The following RAP1GDS1 variants were observed in gnomAD, a reference collection of about 807,000 sequenced individuals.
The protein encoded by RAP1GDS1 is RAP1, GTP-GDP dissociation stimulator 1.
RAP1GDS1 carries 35 observed loss-of-function variants against 71.1 expected under a neutral mutation model. That is an observed-to-expected ratio of 0.49 (90% CI 0.38 to 0.65). The LOEUF (loss-of-function observed/expected upper bound fraction) is 0.65, where lower values mean the gene tolerates loss of function less well. Among genes scored for constraint, RAP1GDS1 ranks in the 30% least tolerant of loss-of-function variants. The pLI is 0.00. For synonymous variants in RAP1GDS1, 229 were observed against 243.1 expected (o/e 0.94, Z 0.54); for missense variants, 663 against 706.1 (o/e 0.94, Z 0.69).
intron 2 of RAP1GDS1, among the ~76,000 whole-genome samples, chr4:98,310,300 A>G (rs1300556359): frequency 6.6e-6 from 1 of 152,112 alleles, no homozygotes; most frequent in Non-Finnish European, 1.5e-5. Context: ...ATGTTAAATT[A>G]TAATTTATCA....
At chr4:98,358,741 A>G (rs775829108) in intron 4 of RAP1GDS1, among the ~76,000 whole-genome samples, 6 of 152,150 alleles carry the variant, frequency 3.9e-5, no homozygotes, top group East Asian at 1.9e-4. Context: ...GCCCATACAC[A>G]TACACTAATG....
intron 4 of RAP1GDS1, among the ~76,000 whole-genome samples, chr4:98,357,393 A>C (rs1738118202): frequency 6.6e-6 from 1 of 151,940 alleles, no homozygotes; most frequent in Admixed American, 6.6e-5. Context: ...AAAGTACATC[A>C]TGTGTATAAG....
chr4:98,410,979 A>G lies in RAP1GDS1; in HGVS notation c.764-5766A>G, dbSNP rs144678746. On this transcript the variant is annotated intron_variant, in intron 7 of 14. Coordinates refer to ENST00000408927, the MANE Select transcript of RAP1GDS1 (RefSeq NM_001100427.2). The stretch of plus-strand genomic sequence containing the variant: ...GAATTTCTTGATCTAGGTGATAGAT[A>G]CATGGTTATTTGCTTTCTAATAATA... Among the ~76,000 whole-genome samples, 448 of 152,326 alleles carry G rather than the reference A, an allele frequency of 2.9e-3. 1 individual carries two copies. The highest frequency in any genetic ancestry group is 5.5e-3 in the Non-Finnish European group (376 of 68,020).
rs70955932 is a variant in RAP1GDS1, at chr4:98,416,334, G to GTTTTTTTTTTTTT, written c.764-393_764-381dup. On this transcript the variant is annotated intron_variant, in intron 7 of 14. Coordinates refer to ENST00000408927, the MANE Select transcript of RAP1GDS1 (RefSeq NM_001100427.2). ...ATTATCTAAATCATGCATTTTCTTA[G>GTTTTTTTTTTTTT]TTTTTTTTTTTTTTTTTTTTTTTTT... Among the ~76,000 whole-genome samples the GTTTTTTTTTTTTT allele has an allele frequency of 3.1e-4, 16 of 51,570 alleles. 3 individuals carry two copies. The highest frequency in any genetic ancestry group is 5.2e-4 in the African/African-American group (6 of 11,488). 33.8% of individuals were successfully genotyped at this position (51,570 alleles called of 152,430 possible).
At position 98,441,975 on chromosome 4, in the gene RAP1GDS1, T is replaced by C. The variant is rs1280621885; in HGVS notation, c.1697-15T>C. 1 of 1,613,154 alleles carries C rather than the reference T, an allele frequency of 6.2e-7. No individual in the cohort carries two copies. The highest frequency in any genetic ancestry group is 1.1e-5 in the South Asian group (1 of 90,996). ...AACCTAACAGAATCATATCTGTTAT[T>C]TTTTTGTCTTCCAGAATGTCTACAC... On this transcript the variant is annotated splice_polypyrimidine_tract_variant and intron_variant, in intron 14 of 14. Coordinates refer to ENST00000408927, the MANE Select transcript of RAP1GDS1 (RefSeq NM_001100427.2).
At chr4:98,396,539 C>A (rs1186288660) in intron 6 of RAP1GDS1, 1 of 152,198 alleles carries the variant, frequency 6.6e-6, no homozygotes, top group African/African-American at 2.4e-5. Flanking sequence ...GATAAATATG[C>A]AGCTAATTTA....
At position 98,420,128 on chromosome 4, in the gene RAP1GDS1, G is replaced by T. The variant is rs769731823; in HGVS notation, c.1284G>T (p.Met428Ile). 1 of 1,564,484 alleles carries T rather than the reference G, an allele frequency of 6.4e-7. No homozygotes were observed. Among genetic ancestry groups the T allele is most frequent in the Non-Finnish European group, 8.7e-7 (1 of 1,155,092 alleles). ...VQFKLLGTLR[M>I]LIDAQAEAAE... ...TCAAACTTCTGGGAACATTAAGAAT[G>T]TTAATAGATGCACAAGGTAAAAGAA... The change falls in exon 11 of 15, where the codon ATG becomes ATT. Residue 428 changes from methionine (M) to isoleucine (I), a missense_variant. Met to Ile is a conservative substitution (Grantham distance 10). Transcript: ENST00000408927.
Position 98,435,476 on chromosome 4 carries a change from A to G in RAP1GDS1, c.1567+1414A>G, listed in dbSNP as rs1439220468. ...GGAAGAGAAAATATATTTACTATTTATTAAGTAGAAGTGGATTATCAAGAA... is the reference window on the plus strand; with the variant it reads ...GGAAGAGAAAATATATTTACTATTTGTTAAGTAGAAGTGGATTATCAAGAA... On this transcript the variant is annotated intron_variant, in intron 13 of 14. Transcript: ENST00000408927. Among the ~76,000 whole-genome samples, 4 of 152,340 alleles carry G rather than the reference A, an allele frequency of 2.6e-5. No individual in the cohort carries two copies. In the East Asian group the frequency reaches 7.7e-4, roughly 29 times the overall value.
chr4:98,330,215 A>T (rs1023556253), intron 2 of RAP1GDS1, among the ~76,000 whole-genome samples: 1 of 152,228 alleles, frequency 6.6e-6, no homozygotes, highest in Non-Finnish European at 1.5e-5. Context: ...TCCTATGTCT[A>T]CTTCTTTCTA....
Position 98,421,736 on chromosome 4 carries a change from G to A in RAP1GDS1, c.1440+342G>A, listed in dbSNP as rs927361942. ...GTATATGATGTCCAGAGCTCACAGA[G>A]TTAGAAAAAAATCCATTCTTGTGGC... On this transcript the variant is annotated intron_variant, in intron 12 of 14. Transcript: ENST00000408927. Among the ~76,000 whole-genome samples, 5 of 152,218 alleles carry A rather than the reference G, an allele frequency of 3.3e-5. No homozygotes were observed. In the South Asian group the frequency reaches 8.3e-4, roughly 25 times the overall value.
intron 5 of RAP1GDS1, among the ~76,000 whole-genome samples, chr4:98,387,065 C>T (rs982554768): frequency 2.6e-5 from 4 of 152,152 alleles, no homozygotes; most frequent in African/African-American, 9.7e-5. Context: ...ATGCTCAACT[C>T]ATTTGACTGT....
At chr4:98,410,134 C>CT (rs1187006603) in intron 7 of RAP1GDS1, among the ~76,000 whole-genome samples, 4 of 151,860 alleles carry the variant, frequency 2.6e-5, no homozygotes, top group Admixed American at 1.3e-4. Context: ...AGTTAAAACT[C>CT]TTTTTTTAAA....
Position 98,379,028 on chromosome 4 carries a change from A to C in RAP1GDS1, c.373A>C (p.Ser125Arg). 6.3e-7 allele frequency: 1 copy of C among 1,598,820 alleles called. No homozygotes were observed. Among genetic ancestry groups the C allele is most frequent in the Non-Finnish European group, 8.5e-7 (1 of 1,173,278 alleles). The change falls in exon 5 of 15, where the codon AGT becomes CGT. Residue 125 changes from serine to arginine, a missense_variant. By Grantham distance (110) the Ser-to-Arg change is moderately radical. Transcript: ENST00000408927. ...TCTTTGTTTTACAGATGAGGGCAGAAGTGCAGTTGACCAAGCAGGTGGTGC... is the reference window on the plus strand; with the variant it reads ...TCTTTGTTTTACAGATGAGGGCAGACGTGCAGTTGACCAAGCAGGTGGTGC... ...NICYDSHEGRSAVDQAGGAQI... is the reference protein window; with the variant it reads ...NICYDSHEGRRAVDQAGGAQI...
At chr4:98,392,783 C>A (rs2110129682) in intron 6 of RAP1GDS1, among the ~76,000 whole-genome samples, 1 of 152,252 alleles carries the variant, frequency 6.6e-6, no homozygotes, top group Middle Eastern at 3.4e-3. Flanking sequence ...GACTAAGGTT[C>A]TTCATCCTCT....
At chr4:98,434,708 C>T (rs150177335) in intron 13 of RAP1GDS1, among the ~76,000 whole-genome samples, 2,881 of 151,546 alleles carry the variant, frequency 0.019, 112 homozygotes, top group Admixed American at 0.1. Flanking sequence ...GCAACGTCCG[C>T]GTCCTGGGTT....
At chr4:98,291,800 A>G (rs75367545) in intron 1 of RAP1GDS1, among the ~76,000 whole-genome samples, 2,142 of 152,252 alleles carry the variant, frequency 0.014, 54 homozygotes, top group African/African-American at 0.049. Flanking sequence ...TGAGCCATAC[A>G]TGTCCAGTAG....
chr4:98,267,177 A>G (rs1722810539), intron 1 of RAP1GDS1, among the ~76,000 whole-genome samples: 1 of 152,084 alleles, frequency 6.6e-6, no homozygotes, highest in Admixed American at 6.6e-5. Flanking sequence ...ATTAGCTTGT[A>G]GTTTCTTTTC....
Position 98,442,347 on chromosome 4 carries a change from C to T in RAP1GDS1, c.*230C>T. On this transcript the variant is annotated 3_prime_UTR_variant, in exon 15 of 15. Transcript: ENST00000408927. The stretch of plus-strand genomic sequence containing the variant: ...CCACCCATAACCGTTCTCTTGTATT[C>T]CTGTTGCTTGAGCTACATTAAGTAG... The T allele has an allele frequency of 4.4e-6, 2 of 451,982 alleles. No individual in the cohort carries two copies. Among genetic ancestry groups the T allele is most frequent in the South Asian group, 8.7e-5 (2 of 22,944 alleles). The allele number at this position is 451,982 out of a possible 1,614,324, so 28.0% of individuals were successfully genotyped here.
intron 5 of RAP1GDS1, among the ~76,000 whole-genome samples, chr4:98,383,097 A>G (rs980064797): frequency 2.0e-5 from 3 of 151,722 alleles, no homozygotes; most frequent in Non-Finnish European, 4.4e-5. Flanking sequence ...ATCTATTGGT[A>G]GTCACCATTG....
Sources: gnomAD v4.1 joint callset for allele counts (sites outside exome capture counted in the v4.1 genomes callset) on GRCh38, gnomAD v4.1.1 for gene constraint, MANE v1.5 for transcripts, NCBI Gene and HGNC (gene_info 2026-07-23, HGNC 2026-07-21) for gene names.